Variants in ANKS1B observed in about 807,000 individuals in gnomAD.
The protein encoded by ANKS1B is ankyrin repeat and sterile alpha motif domain containing 1B.
In ANKS1B, 36 loss-of-function variants were observed where a neutral mutation model predicts 148.3. That is an observed-to-expected ratio of 0.24 (90% confidence interval 0.19 to 0.32). ANKS1B has a LOEUF of 0.32. Among genes scored for constraint, ANKS1B ranks in the 10% least tolerant of loss-of-function variants. ANKS1B has a pLI of 1.00. For missense variants in ANKS1B, 1,157 were observed against 1,542.6 expected (o/e 0.75, Z 4.19); for synonymous variants, 542 against 560.8 (o/e 0.97, Z 0.47).
At chr12:99,944,336 T>C (rs1161451037) in intron 1 of ANKS1B, among the ~76,000 whole-genome samples, 1 of 152,142 alleles carries the variant, frequency 6.6e-6, no homozygotes. Flanking sequence ...TGACTTCTCT[T>C]CCTTTGAAAC....
At chr12:99,600,240 G>A (rs1311321552) in intron 9 of ANKS1B, among the ~76,000 whole-genome samples, 6 of 151,932 alleles carry the variant, frequency 3.9e-5, no homozygotes, top group African/African-American at 1.4e-4. Flanking sequence ...GAAAAGAACT[G>A]TTAATCTTAA....
intron 12 of ANKS1B, among the ~76,000 whole-genome samples, chr12:99,346,381 GCA>G (rs1555396083): frequency 6.8e-5 from 10 of 147,830 alleles, no homozygotes; most frequent in Non-Finnish European, 1.1e-4. Flanking sequence ...TCTCACACAC[GCA>G]CACACACACA....
chr12:99,020,429 G>C (rs986362144), intron 17 of ANKS1B, among the ~76,000 whole-genome samples: 2 of 152,000 alleles, frequency 1.3e-5, no homozygotes, highest in African/African-American at 4.8e-5. Flanking sequence ...TCAGAAACTG[G>C]AAACACTGAC....
Position 99,812,254 on chromosome 12 carries a change from T to A in ANKS1B, c.273A>T (p.Lys91Asn), listed in dbSNP as rs754122966. The A allele has an allele frequency of 1.2e-6, 2 of 1,611,972 alleles. No individual in the cohort carries two copies. The highest frequency in any genetic ancestry group is 2.2e-5 in the South Asian group (2 of 91,008). ...CAGCCAGGTGAATAGGAAAATACCC[T>A]TTGTTGTCTGCTACATTTGTTGATG... ...YEASTNVADN[K>N]GYFPIHLAAW... Residue 91 changes from lysine to asparagine, a missense_variant, in exon 3 of 27, where the codon AAA becomes AAT. Physicochemically the swap from Lys to Asn is moderately conservative, Grantham distance 94. This residue lies in a region of ANKS1B where 164 missense variants were observed against 232.6 expected (regional missense o/e 0.71). Transcript: ENST00000683438.
chr12:98,740,643 A>T (rs2097793859), downstream of ANKS1B, among the ~76,000 whole-genome samples: 1 of 152,092 alleles, frequency 6.6e-6, no homozygotes, highest in African/African-American at 2.4e-5. Flanking sequence ...CCAATGTAGT[A>T]GACACTGCCA....
At chr12:99,071,025 C>T (rs1235773839) in intron 16 of ANKS1B, among the ~76,000 whole-genome samples, 1 of 152,186 alleles carries the variant, frequency 6.6e-6, no homozygotes, top group East Asian at 1.9e-4. Context: ...TCTCCTTCTC[C>T]AGGAACCTAC....
intron 1 of ANKS1B, among the ~76,000 whole-genome samples, chr12:99,848,593 A>T (rs930602007): frequency 1.3e-5 from 2 of 152,202 alleles, no homozygotes; most frequent in African/African-American, 4.8e-5. Flanking sequence ...TATGACAAGG[A>T]TGACATGGAA....
intron 17 of ANKS1B, among the ~76,000 whole-genome samples, chr12:98,995,505 G>A (rs1264853174): frequency 2.6e-5 from 4 of 152,134 alleles, no homozygotes; most frequent in African/African-American, 4.8e-5. Flanking sequence ...AAGGTTCTAC[G>A]GCAATTAAGT....
intron 17 of ANKS1B, among the ~76,000 whole-genome samples, chr12:99,029,707 C>A (rs557555870): frequency 6.6e-6 from 1 of 152,198 alleles, no homozygotes; most frequent in Non-Finnish European, 1.5e-5. Flanking sequence ...TAATGTTTAA[C>A]AGAAGTTCTG....
At chr12:98,834,067 TC>T (rs1281915087) in intron 17 of ANKS1B, among the ~76,000 whole-genome samples, 1 of 152,232 alleles carries the variant, frequency 6.6e-6, no homozygotes, top group Admixed American at 6.5e-5. Context: ...ACAGCCACCC[TC>T]TGACCCATGT....
chr12:99,367,048 T>C (rs1239600016), intron 12 of ANKS1B, among the ~76,000 whole-genome samples: 1 of 152,138 alleles, frequency 6.6e-6, no homozygotes, highest in Non-Finnish European at 1.5e-5. Flanking sequence ...GCAGTACTTT[T>C]GGCCTCTACC....
intron 2 of ANKS1B, among the ~76,000 whole-genome samples, chr12:99,817,473 G>C (rs928663599): frequency 6.6e-6 from 1 of 150,614 alleles, no homozygotes; most frequent in Non-Finnish European, 1.5e-5. Flanking sequence ...AATAAACTGG[G>C]GAATGCAGAT....
rs530409024 is a variant in ANKS1B, at chr12:99,036,705, A to T, written c.2778+16452T>A. On this transcript the variant is annotated intron_variant, in intron 17 of 26. Coordinates refer to ENST00000683438, the MANE Select transcript of ANKS1B (RefSeq NM_001352186.2). ...ACTGGAGAAGAGACTGCAATGACAT[A>T]TTTCCTTTAAAAGCAGTAACCATGT... Among the ~76,000 whole-genome samples the T allele has an allele frequency of 2.0e-5, 3 of 152,350 alleles. No homozygotes were observed. The East Asian group carries it at 5.8e-4, about 29-fold the overall frequency.
chr12:99,832,406 G>A (rs1378500323), intron 1 of ANKS1B, among the ~76,000 whole-genome samples: 2 of 152,000 alleles, frequency 1.3e-5, no homozygotes, highest in African/African-American at 2.4e-5. Flanking sequence ...TGTCCAACAT[G>A]GTGAAACTCT....
At chr12:98,795,674 AAAAACAAAAC>A (rs1035602773) in intron 22 of ANKS1B, 20 of 452,016 alleles carry the variant, frequency 4.4e-5, no homozygotes, top group Middle Eastern at 3.3e-4. Flanking sequence ...AAAAAGTGAA[AAAAACAAAAC>A]AAAACAAAAC....
At chr12:98,933,880 G>C (rs1261493644) in intron 17 of ANKS1B, among the ~76,000 whole-genome samples, 1 of 151,604 alleles carries the variant, frequency 6.6e-6, no homozygotes, top group South Asian at 2.1e-4. Flanking sequence ...TTGAGTAGTA[G>C]GAATTCCTTG....
intron 1 of ANKS1B, among the ~76,000 whole-genome samples, chr12:99,983,897 G>T (rs866882423): frequency 6.6e-6 from 1 of 152,132 alleles, no homozygotes; most frequent in Non-Finnish European, 1.5e-5. Context: ...TTGATGGAAG[G>T]CTATTTTAAA....
Position 99,827,620 on chromosome 12 carries a change from A to G in ANKS1B, c.135-2231T>C, listed in dbSNP as rs2083372834. Among the ~76,000 whole-genome samples the G allele has an allele frequency of 2.0e-5, 3 of 152,318 alleles. No individual in the cohort carries two copies. The South Asian group carries it at 6.2e-4, about 32-fold the overall frequency. ...TGTAGTAAACTTTTTTTTACTATCT[A>G]TATGTATCCCATAACATGTGTATAC... On this transcript the variant is annotated intron_variant, in intron 1 of 26. Coordinates refer to ENST00000683438, the MANE Select transcript of ANKS1B (RefSeq NM_001352186.2).
At chr12:99,953,855 C>A (rs989638164) in intron 1 of ANKS1B, among the ~76,000 whole-genome samples, 1 of 152,104 alleles carries the variant, frequency 6.6e-6, no homozygotes, top group Admixed American at 6.5e-5. Flanking sequence ...GCCCAAATGT[C>A]CTCAAGCTCA....
Sources: allele counts gnomAD v4.1 joint callset (sites outside exome capture counted in the v4.1 genomes callset), GRCh38; gene constraint gnomAD v4.1.1; regional missense constraint gnomAD v4.1.1; transcripts MANE v1.5; gene names NCBI Gene and HGNC (gene_info 2026-07-23, HGNC 2026-07-21).